ALDH1A2: variants seen among roughly 807,000 people sequenced by gnomAD.
ALDH1A2 encodes retinal dehydrogenase 2.
A neutral mutation model predicts 60.3 loss-of-function variants in ALDH1A2; 27 were observed. The ratio of observed to expected loss-of-function variants is 0.45; its 90% confidence interval spans 0.33 to 0.62. The LOEUF (loss-of-function observed/expected upper bound fraction) is 0.62. ALDH1A2 is among the 20% of genes least tolerant of loss of function. ALDH1A2 has a pLI of 0.02. For synonymous variants in ALDH1A2, 289 were observed against 232.4 expected (o/e 1.24, Z -2.21); for missense variants, 581 against 643.8 (o/e 0.90, Z 1.06).
intron 4 of ALDH1A2, among the ~76,000 whole-genome samples, chr15:57,997,065 T>C (rs1408522524): frequency 6.6e-6 from 1 of 152,030 alleles, no homozygotes; most frequent in Non-Finnish European, 1.5e-5. Flanking sequence ...ATATTTTAAA[T>C]GGAAGAAATT....
intron 9 of ALDH1A2, among the ~76,000 whole-genome samples, 162 bp downstream of exon 9, chr15:57,963,723 G>A (rs1479112073): frequency 6.6e-6 from 1 of 152,170 alleles, no homozygotes; most frequent in Non-Finnish European, 1.5e-5. Context: ...TAAGAAATAA[G>A]CAATCCCTCT....
At chr15:58,055,720 T>C (rs34573546) in intron 1 of ALDH1A2, among the ~76,000 whole-genome samples, 2,568 of 152,200 alleles carry the variant, frequency 0.017, 79 homozygotes, top group African/African-American at 0.059. Flanking sequence ...AAATCACTGA[T>C]GAAATTCAAA....
intron 1 of ALDH1A2, among the ~76,000 whole-genome samples, chr15:58,047,978 G>C (rs1896676186): frequency 6.6e-6 from 1 of 151,996 alleles, no homozygotes; most frequent in South Asian, 2.1e-4. Context: ...GTTTTAGAAA[G>C]CTTGCTTTGA....
chr15:58,023,750 G>A (rs1345449009), intron 1 of ALDH1A2, among the ~76,000 whole-genome samples: 1 of 151,510 alleles, frequency 6.6e-6, no homozygotes, highest in African/African-American at 2.4e-5. Context: ...TCCCAGATAA[G>A]CAAAGACTGA....
intron 7 of ALDH1A2, among the ~76,000 whole-genome samples, chr15:57,982,184 C>A (rs146838800): frequency 9.8e-5 from 15 of 152,326 alleles, no homozygotes; most frequent in African/African-American, 3.6e-4. Context: ...ACATTCAAAT[C>A]ATCTTTCATC....
chr15:57,985,286 A>G (rs974387498), intron 7 of ALDH1A2, among the ~76,000 whole-genome samples: 7 of 151,968 alleles, frequency 4.6e-5, no homozygotes, highest in Admixed American at 4.6e-4. Context: ...TTTCTTCCCA[A>G]TTCACTCTAC....
At chr15:57,977,877 G>C (rs2165572) in intron 7 of ALDH1A2, among the ~76,000 whole-genome samples, 132,070 of 152,230 alleles carry the variant, frequency 0.87, 59,249 homozygotes, top group East Asian at 1. Flanking sequence ...TTTCCTTGAG[G>C]AGTGGTTTAT....
At chr15:57,988,158 C>G (rs1489924982) in intron 7 of ALDH1A2, among the ~76,000 whole-genome samples, 2 of 152,054 alleles carry the variant, frequency 1.3e-5, no homozygotes, top group African/African-American at 4.8e-5. Context: ...GGGCATATAA[C>G]CTATGTCTAA....
At position 58,050,799 on chromosome 15, in the gene ALDH1A2, T is replaced by A. The variant is rs74018834; in HGVS notation, c.117+14735A>T. Among the ~76,000 whole-genome samples, 1,259 of 152,280 alleles carry A rather than the reference T, an allele frequency of 8.3e-3. 22 individuals carry two copies. The highest frequency in any genetic ancestry group is 0.029 in the African/African-American group (1,190 of 41,556). ...ATCACAAAAAAAGTAAAACCAAAAG[T>A]AGCAACTAGCATCTTCAGTTGAATT... On this transcript the variant is annotated intron_variant, in intron 1 of 12. Coordinates refer to ENST00000249750, the MANE Select transcript of ALDH1A2 (RefSeq NM_003888.4).
intron 3 of ALDH1A2, among the ~76,000 whole-genome samples, chr15:58,012,540 C>T (rs532896231): frequency 3.3e-5 from 5 of 152,206 alleles, no homozygotes; most frequent in African/African-American, 1.2e-4. Context: ...TTAATATGCC[C>T]AGTGTCTTGT....
chr15:57,962,311 G>C, intron 9 of ALDH1A2, 135 bp from the exon 10 acceptor site: 4 of 1,077,476 alleles, frequency 3.7e-6, no homozygotes, highest in Non-Finnish European at 5.4e-6. Context: ...TAAAACTGCT[G>C]TTACTTACCA....
chr15:57,961,028 A>G (rs1266262572), intron 11 of ALDH1A2, 109 bp downstream of exon 11: 3 of 1,480,516 alleles, frequency 2.0e-6, no homozygotes, highest in African/African-American at 2.8e-5. Context: ...TTTCTGGTGA[A>G]CTTTGGTTGC....
chr15:58,007,069 T>C lies in ALDH1A2; in HGVS notation c.493+3580A>G, dbSNP rs145762745. 8.6e-5 allele frequency among the ~76,000 whole-genome samples: 13 copies of C among 152,010 alleles called. No individual in the cohort carries two copies. The East Asian group carries it at 1.9e-3, about 23-fold the overall frequency. ...ACAAGCTTCATTCAGGCATCAGTTA[T>C]AGTACTTCTGTCTGGTTGGCCATGA... On this transcript the variant is annotated intron_variant, in intron 4 of 12. Transcript: ENST00000249750.
In ALDH1A2 at chr15:57,955,237, A is replaced by C; in HGVS notation, c.1517T>G (p.Val506Gly). The change falls in exon 13 of 13, where the codon GTT (valine) becomes GGT (glycine). Residue 506 changes from valine (V) to glycine (G), a missense_variant. Val to Gly is a moderately radical substitution (Grantham distance 109). Coordinates refer to ENST00000249750, the MANE Select transcript of ALDH1A2 (RefSeq NM_003888.4). ...GEFGLREYSEVKTVTVKIPQK... is the reference protein window; with the variant it reads ...GEFGLREYSEGKTVTVKIPQK... ...GGGGATCTTTACTGTCACCGTCTTA[A>C]CTTCTGAGTACTCCCGCAAGCCAAA... 1.2e-6 allele frequency: 2 copies of C among 1,614,088 alleles called. No individual in the cohort carries two copies. The highest frequency in any genetic ancestry group is 1.7e-6 in the Non-Finnish European group (2 of 1,180,008).
At chr15:58,008,696 T>C (rs569230013) in intron 4 of ALDH1A2, among the ~76,000 whole-genome samples, 87 of 152,198 alleles carry the variant, frequency 5.7e-4, no homozygotes, top group African/African-American at 2.0e-3. Context: ...AATAATGAAA[T>C]GACAGGTGGA....
intron 4 of ALDH1A2, among the ~76,000 whole-genome samples, chr15:58,007,032 T>C (rs1294260642): frequency 6.6e-6 from 1 of 151,796 alleles, no homozygotes; most frequent in Admixed American, 6.6e-5. Context: ...ACAGAGAAAA[T>C]ACATGTGTCA....
intron 1 of ALDH1A2, among the ~76,000 whole-genome samples, chr15:58,061,535 T>C (rs1897032082): frequency 6.9e-6 from 1 of 145,614 alleles, no homozygotes; most frequent in Non-Finnish European, 1.5e-5. Flanking sequence ...GACTAGTTCA[T>C]ATTTTCTCCA....
Position 58,058,457 on chromosome 15 carries a change from G to C in ALDH1A2, c.117+7077C>G, listed in dbSNP as rs543637478. ...CTGTTTAATCTTTAAGGAATCACTAGAAATGATATTCAAAAAAAAAAAAAA... is the reference window on the plus strand; with the variant it reads ...CTGTTTAATCTTTAAGGAATCACTACAAATGATATTCAAAAAAAAAAAAAA... On this transcript the variant is annotated intron_variant, in intron 1 of 12. Transcript: ENST00000249750. Among the ~76,000 whole-genome samples the C allele has an allele frequency of 3.2e-3, 294 of 91,124 alleles. 2 individuals are homozygous for C. The highest frequency in any genetic ancestry group is 4.9e-3 in the Non-Finnish European group (234 of 48,082). The allele number at this position is 91,124 out of a possible 152,430, so 59.8% of individuals were successfully genotyped here.
rs746013472 is a variant in ALDH1A2 at position 57,965,808 on chromosome 15, T to G, written c.818A>C (p.Glu273Ala). The change falls in exon 8 of 13, where the codon GAA (glutamate) becomes GCA (alanine). Residue 273 changes from glutamate (E) to alanine (A), a missense_variant. Around this residue, in one of 2 missense-constraint regions of ALDH1A2, gnomAD observed 375 missense variants for 469.7 expected, o/e 0.80. Coordinates refer to ENST00000249750, the MANE Select transcript of ALDH1A2 (RefSeq NM_003888.4). ...CTTCAAATTACTTCTTCCAGCTGCT[T>G]CTTGGATAAGCTTTCCAACCTGAAA... ...GSTEVGKLIQEAAGRSNLKRV... is the reference protein window; with the variant it reads ...GSTEVGKLIQAAAGRSNLKRV... 1.9e-6 allele frequency: 3 copies of G among 1,614,008 alleles called. No individual in the cohort carries two copies. The highest frequency in any genetic ancestry group is 4.5e-5 in the East Asian group (2 of 44,900).
Sources: gnomAD v4.1 joint callset for allele counts (sites outside exome capture counted in the v4.1 genomes callset) on GRCh38, gnomAD v4.1.1 for gene constraint, gnomAD v4.1.1 regional missense constraint, MANE v1.5 for transcripts, NCBI Gene and HGNC (gene_info 2026-07-23, HGNC 2026-07-21) for gene names.